CCSER1: variants seen among roughly 807,000 people sequenced by gnomAD.
CCSER1 encodes the protein coiled-coil serine rich protein 1.
CCSER1 carries 41 observed loss-of-function variants against 82.0 expected under a neutral mutation model. The ratio of observed to expected loss-of-function variants is 0.50; its 90% CI spans 0.39 to 0.65. The LOEUF is 0.65. Ranked by LOEUF, CCSER1 falls within the 30% of genes least tolerant of loss-of-function variation. The pLI, the probability that CCSER1 is intolerant of heterozygous loss-of-function variation, is 0.00. For missense variants in CCSER1, 1,119 were observed against 1,064.2 expected (o/e 1.05, Z -0.72); for synonymous variants, 414 against 383.9 (o/e 1.08, Z -0.92).
rs140347036 is a variant in CCSER1, at chr4:91,327,513, G to A, written c.2217+241519G>A. 6.3e-3 allele frequency among the ~76,000 whole-genome samples: 963 copies of A among 152,336 alleles called. 12 individuals are homozygous for A. The highest frequency in any genetic ancestry group is 0.022 in the African/African-American group (899 of 41,588). Reference sequence around the variant, plus strand: ...CCATTTTTCCCTCCTAGGCCTCCAGGCCTGTGATGGGAGGGGCTGCCATGA... The same window carrying A: ...CCATTTTTCCCTCCTAGGCCTCCAGACCTGTGATGGGAGGGGCTGCCATGA... On this transcript the variant is annotated intron_variant, in intron 10 of 10. Transcript: ENST00000509176.
intron 4 of CCSER1, among the ~76,000 whole-genome samples, chr4:90,445,509 G>T (rs1474261235): frequency 6.6e-6 from 1 of 152,034 alleles, no homozygotes; most frequent in African/African-American, 2.4e-5. Context: ...GCTTGATATT[G>T]TAGTGATGTA....
At chr4:91,096,088 G>A (rs1450950894) in intron 10 of CCSER1, among the ~76,000 whole-genome samples, 22 of 152,162 alleles carry the variant, frequency 1.4e-4, no homozygotes, top group Admixed American at 1.4e-3. Flanking sequence ...CAGTTGAGGA[G>A]GTCAGCAGAG....
At chr4:91,010,064 T>G (rs1738879603) in intron 9 of CCSER1, among the ~76,000 whole-genome samples, 1 of 152,200 alleles carries the variant, frequency 6.6e-6, no homozygotes, top group Admixed American at 6.5e-5. Context: ...TCCTTAAGAA[T>G]TTCTTCTAGG....
intron 6 of CCSER1, among the ~76,000 whole-genome samples, chr4:90,631,637 A>C (rs1724458464): frequency 6.6e-6 from 1 of 152,188 alleles, no homozygotes; most frequent in Admixed American, 6.5e-5. Context: ...AGTTTCTAGA[A>C]CTGTTTCAGG....
At chr4:90,707,819 G>C (rs1739694762) in intron 6 of CCSER1, among the ~76,000 whole-genome samples, 1 of 152,116 alleles carries the variant, frequency 6.6e-6, no homozygotes, top group South Asian at 2.1e-4. Context: ...ACCTACCTCA[G>C]GCAGCACAGC....
At chr4:90,428,704 A>G (rs1360481600) in intron 4 of CCSER1, among the ~76,000 whole-genome samples, 4 of 151,890 alleles carry the variant, frequency 2.6e-5, no homozygotes, top group African/African-American at 9.7e-5. Flanking sequence ...GGGTGCAAGA[A>G]ATTTCTCTTA....
intron 5 of CCSER1, among the ~76,000 whole-genome samples, chr4:90,514,747 G>A (rs1012991563): frequency 2.6e-5 from 4 of 151,386 alleles, no homozygotes; most frequent in Admixed American, 6.6e-5. Context: ...CAGAGGAGAC[G>A]CCGTTGCAAA....
At chr4:90,857,364 T>C (rs1425337442) in intron 8 of CCSER1, among the ~76,000 whole-genome samples, 1 of 152,178 alleles carries the variant, frequency 6.6e-6, no homozygotes, top group East Asian at 1.9e-4. Flanking sequence ...CCTTGCCACA[T>C]TGATCTCTCC....
At chr4:91,195,885 T>TG (rs1340268180) in intron 10 of CCSER1, among the ~76,000 whole-genome samples, 24 of 152,004 alleles carry the variant, frequency 1.6e-4, no homozygotes, top group African/African-American at 5.3e-4. Flanking sequence ...TTACAACTCT[T>TG]CATGACTCCA....
intron 8 of CCSER1, among the ~76,000 whole-genome samples, chr4:90,833,169 G>A (rs886677918): frequency 6.6e-6 from 1 of 152,158 alleles, no homozygotes; most frequent in African/African-American, 2.4e-5. Context: ...AGTGTTTGGT[G>A]AGGGCTTTTA....
chr4:90,415,301 T>G lies in CCSER1; in HGVS notation c.1603+15172T>G, dbSNP rs184805502. 4.2e-3 allele frequency among the ~76,000 whole-genome samples: 640 copies of G among 152,326 alleles called. 6 individuals are homozygous for G. The highest frequency in any genetic ancestry group is 0.014 in the African/African-American group (601 of 41,588). On this transcript the variant is annotated intron_variant, in intron 4 of 10. Coordinates refer to ENST00000509176, the MANE Select transcript of CCSER1 (RefSeq NM_001145065.2). ...TTCAGTACAAGCTGAGACATCATGC[T>G]GCCAGTTCAGTATTAACAGTTCTAA... is the stretch of plus-strand genomic sequence containing the variant.
chr4:91,596,682 AAAGT>A (rs1266987729), intron 10 of CCSER1, among the ~76,000 whole-genome samples: 65 of 152,212 alleles, frequency 4.3e-4, no homozygotes, highest in African/African-American at 1.5e-3. Flanking sequence ...TTACTCCTAA[AAAGT>A]CTGAGGCATC....
chr4:91,101,676 C>A (rs938467865), intron 10 of CCSER1, among the ~76,000 whole-genome samples: 47 of 149,946 alleles, frequency 3.1e-4, no homozygotes, highest in Non-Finnish European at 1.3e-4. Flanking sequence ...AAACCCTCTA[C>A]CTCCAAGCAA....
chr4:90,955,473 A>G (rs1446611795), intron 9 of CCSER1, among the ~76,000 whole-genome samples: 2 of 151,964 alleles, frequency 1.3e-5, no homozygotes, highest in African/African-American at 2.4e-5. Context: ...AATAGTAAAC[A>G]CTCCCTCACA....
chr4:90,843,879 A>G (rs1762868906), intron 8 of CCSER1, among the ~76,000 whole-genome samples: 1 of 152,118 alleles, frequency 6.6e-6, no homozygotes, highest in African/African-American at 2.4e-5. Flanking sequence ...AAATTTAACT[A>G]TCTGATGAGC....
chr4:91,500,663 G>A (rs747849080), intron 10 of CCSER1, among the ~76,000 whole-genome samples: 2 of 151,880 alleles, frequency 1.3e-5, no homozygotes, highest in Non-Finnish European at 2.9e-5. Context: ...AAACTATTTT[G>A]CCTTTTCTTT....
intron 10 of CCSER1, among the ~76,000 whole-genome samples, chr4:91,424,686 C>T (rs1007569348): frequency 6.6e-6 from 1 of 152,050 alleles, no homozygotes; most frequent in African/African-American, 2.4e-5. Context: ...TGCTTGAGAA[C>T]TGCTAGCTTT....
intron 8 of CCSER1, among the ~76,000 whole-genome samples, chr4:90,919,323 G>C (rs1245973542): frequency 6.6e-6 from 1 of 151,804 alleles, no homozygotes; most frequent in Admixed American, 6.6e-5. Context: ...AGGGTCTAGA[G>C]ACCAATAAAA....
chr4:90,634,803 A>G (rs1292943588), intron 6 of CCSER1, among the ~76,000 whole-genome samples: 1 of 151,816 alleles, frequency 6.6e-6, no homozygotes, highest in Non-Finnish European at 1.5e-5. Context: ...AAAATAACAA[A>G]ATTACAAGTT....
Sources: allele counts gnomAD v4.1 joint callset (sites outside exome capture counted in the v4.1 genomes callset), GRCh38; gene constraint gnomAD v4.1.1; transcripts MANE v1.5; gene names NCBI Gene and HGNC (gene_info 2026-07-23, HGNC 2026-07-21).